TPD52L1: variants seen among roughly 807,000 people sequenced by gnomAD.
TPD52L1 encodes TPD52 like 1.
TPD52L1 carries 18 observed loss-of-function variants against 28.7 expected under a neutral mutation model. The observed-to-expected ratio is 0.63, with a 90% CI of 0.43 to 0.93. The LOEUF (loss-of-function observed/expected upper bound fraction) is 0.93, where lower values mean the gene tolerates loss of function less well. Among genes scored for constraint, TPD52L1 ranks in the 40% least tolerant of loss-of-function variants. TPD52L1 has a pLI of 0.00. For missense variants in TPD52L1, 203 were observed against 254.8 expected (o/e 0.80, Z 1.39); for synonymous variants, 75 against 88.8 (o/e 0.84, Z 0.88).
chr6:125,261,024 AAAAG>A lies in TPD52L1; in HGVS notation c.487-1786_487-1783del, dbSNP rs1177753693. 7.4e-3 allele frequency: 225 copies of A among 30,428 alleles called. 1 individual carries two copies. Among genetic ancestry groups the A allele is most frequent in the Middle Eastern group, 0.019 (1 of 52 alleles). The allele number at this position is 30,428 out of a possible 1,614,324, so 1.9% of individuals were successfully genotyped here. A position where few individuals can be genotyped will look rare whatever the true frequency, so the allele number is the denominator to read the frequency against. On this transcript the variant is annotated intron_variant, in intron 6 of 6. Transcript: ENST00000534000. ...AAAGAAAGAAAGAAAGAAAGAAAAG[AAAAG>A]AAAGAAAGAAAGAAAGAAAGAAAAG...
intron 1 of TPD52L1, among the ~76,000 whole-genome samples, chr6:125,175,936 CAT>C (rs1455472989): frequency 3.3e-5 from 5 of 152,124 alleles, no homozygotes; most frequent in African/African-American, 1.2e-4. Flanking sequence ...GCAGCTGAGC[CAT>C]ATGTTTTGAG....
chr6:125,250,499 A>G (rs1400372640), intron 4 of TPD52L1, among the ~76,000 whole-genome samples: 1 of 152,212 alleles, frequency 6.6e-6, no homozygotes, highest in Non-Finnish European at 1.5e-5. Flanking sequence ...TCTGACATGT[A>G]TTATGCACTC....
At chr6:125,168,311 G>A (rs1252651713) in intron 1 of TPD52L1, among the ~76,000 whole-genome samples, 3 of 152,122 alleles carry the variant, frequency 2.0e-5, no homozygotes, top group Non-Finnish European at 4.4e-5. Flanking sequence ...CCATCATAAC[G>A]GGCTCAGTAA....
intron 1 of TPD52L1, among the ~76,000 whole-genome samples, chr6:125,203,426 G>A (rs1793921688): frequency 6.6e-6 from 1 of 151,986 alleles, no homozygotes; most frequent in Admixed American, 6.6e-5. Context: ...TCTATTTTGT[G>A]TGTATTAAAC....
intron 3 of TPD52L1, among the ~76,000 whole-genome samples, chr6:125,243,965 T>A (rs1006612319): frequency 1.3e-5 from 2 of 152,082 alleles, no homozygotes; most frequent in Admixed American, 1.3e-4. Flanking sequence ...TTGCTTAAAA[T>A]TTTTTTTAAC....
intron 1 of TPD52L1, among the ~76,000 whole-genome samples, chr6:125,162,623 A>T (rs1366898748): frequency 6.6e-6 from 1 of 152,222 alleles, no homozygotes; most frequent in Non-Finnish European, 1.5e-5. Context: ...AACTGCCTGG[A>T]TTTTAATTCT....
chr6:125,186,305 T>C (rs527872202), intron 1 of TPD52L1, among the ~76,000 whole-genome samples: 1 of 152,308 alleles, frequency 6.6e-6, no homozygotes, highest in East Asian at 1.9e-4. Flanking sequence ...AACTCTGTCA[T>C]TGTAGCACAA....
At chr6:125,230,638 GAGA>G (rs1562336305) in intron 3 of TPD52L1, among the ~76,000 whole-genome samples, 1 of 152,136 alleles carries the variant, frequency 6.6e-6, no homozygotes, top group African/African-American at 2.4e-5. Context: ...TTGCTCCTAT[GAGA>G]AGATGTCCTT....
At chr6:125,210,298 C>T (rs754955486) in intron 1 of TPD52L1, among the ~76,000 whole-genome samples, 2 of 152,222 alleles carry the variant, frequency 1.3e-5, no homozygotes, top group Non-Finnish European at 2.9e-5. Flanking sequence ...CTGAGGACTA[C>T]ACTACTGTCC....
chr6:125,168,452 A>C (rs566783087), intron 1 of TPD52L1, among the ~76,000 whole-genome samples: 1 of 151,606 alleles, frequency 6.6e-6, no homozygotes, highest in Admixed American at 6.6e-5. Flanking sequence ...CTCTCTTCTC[A>C]GTCCCCTCTC....
chr6:125,206,324 G>A (rs937639479), intron 1 of TPD52L1, among the ~76,000 whole-genome samples: 5 of 151,814 alleles, frequency 3.3e-5, no homozygotes, highest in African/African-American at 4.8e-5. Context: ...AATGCAATTT[G>A]TAATGTCATT....
intron 2 of TPD52L1, among the ~76,000 whole-genome samples, chr6:125,227,238 T>G (rs1445411431): frequency 1.3e-5 from 2 of 152,230 alleles, no homozygotes; most frequent in Non-Finnish European, 2.9e-5. Flanking sequence ...ATGCTTGTGA[T>G]TCAGTATTTC....
intron 3 of TPD52L1, among the ~76,000 whole-genome samples, chr6:125,247,295 G>A (rs1028714933): frequency 6.6e-6 from 1 of 152,014 alleles, no homozygotes; most frequent in Non-Finnish European, 1.5e-5. Context: ...TTTTTAATGT[G>A]TATAAAAATT....
At chr6:125,178,922 C>T (rs188284615) in intron 1 of TPD52L1, among the ~76,000 whole-genome samples, 26 of 152,302 alleles carry the variant, frequency 1.7e-4, no homozygotes, top group African/African-American at 6.0e-4. Flanking sequence ...CTGGTGAATA[C>T]TCTGAACTTA....
At chr6:125,247,254 A>G (rs977816795) in intron 3 of TPD52L1, among the ~76,000 whole-genome samples, 1 of 152,182 alleles carries the variant, frequency 6.6e-6, no homozygotes, top group African/African-American at 2.4e-5. Context: ...TCAGAAGAAG[A>G]CAGCATATGC....
intron 2 of TPD52L1, chr6:125,221,713 A>T (rs1253044503): frequency 6.6e-6 from 1 of 152,212 alleles, no homozygotes; most frequent in African/African-American, 2.4e-5. Flanking sequence ...ATATGAAAAA[A>T]TAGAAGTGTT....
At chr6:125,194,778 G>A (rs763564191) in intron 1 of TPD52L1, among the ~76,000 whole-genome samples, 7 of 152,190 alleles carry the variant, frequency 4.6e-5, no homozygotes, top group Non-Finnish European at 7.3e-5. Context: ...CCTTATTTGT[G>A]TTAATAGCAC....
intron 3 of TPD52L1, among the ~76,000 whole-genome samples, chr6:125,241,572 G>C (rs1796613458): frequency 6.6e-6 from 1 of 151,838 alleles, no homozygotes; most frequent in South Asian, 2.1e-4. Flanking sequence ...ATATTTCCAG[G>C]AACTTATCCA....
At chr6:125,254,959 C>T (rs542666184) in intron 5 of TPD52L1, among the ~76,000 whole-genome samples, 15 of 152,300 alleles carry the variant, frequency 9.8e-5, no homozygotes, top group Admixed American at 8.5e-4. Flanking sequence ...TGGAAATTCA[C>T]CCTCAGTATT....
Sources: allele counts gnomAD v4.1 joint callset (sites outside exome capture counted in the v4.1 genomes callset), GRCh38; gene constraint gnomAD v4.1.1; transcripts MANE v1.5; gene names NCBI Gene and HGNC (gene_info 2026-07-23, HGNC 2026-07-21).